The following SH3D19 variants were observed in gnomAD, a reference collection of about 807,000 sequenced individuals.
SH3D19 encodes the protein SH3 domain containing 19.
In SH3D19, 58 loss-of-function variants were observed where a neutral mutation model predicts 112.1. The observed-to-expected ratio is 0.52, with a 90% confidence interval of 0.42 to 0.64. The LOEUF (loss-of-function observed/expected upper bound fraction) is 0.64, where lower values mean the gene tolerates loss of function less well. Among genes scored for constraint, SH3D19 ranks in the 30% least tolerant of loss-of-function variants. The pLI, the probability that SH3D19 is intolerant of heterozygous loss-of-function variation, is 0.00. For synonymous variants in SH3D19, 391 were observed against 448.5 expected (o/e 0.87, Z 1.62); for missense variants, 1,090 against 1,263.4 (o/e 0.86, Z 2.08).
At chr4:151,278,035 C>T (rs1381974295) in intron 1 of SH3D19, among the ~76,000 whole-genome samples, 5 of 151,282 alleles carry the variant, frequency 3.3e-5, no homozygotes, top group East Asian at 1.9e-4. Context: ...AGTAAGACCC[C>T]GTCCCCCCAA....
intron 3 of SH3D19, among the ~76,000 whole-genome samples, chr4:151,183,411 G>A (rs755860966): frequency 6.6e-6 from 1 of 152,176 alleles, no homozygotes; most frequent in Non-Finnish European, 1.5e-5. Context: ...AATTCCAGCA[G>A]GATCACAAGC....
intron 7 of SH3D19, among the ~76,000 whole-genome samples, chr4:151,171,555 C>A (rs995824715): frequency 2.0e-5 from 3 of 152,174 alleles, no homozygotes; most frequent in African/African-American, 4.8e-5. Flanking sequence ...TTATTCCACA[C>A]CTGCTGGTGA....
intron 1 of SH3D19, among the ~76,000 whole-genome samples, chr4:151,301,574 T>A (rs1440858140): frequency 1.3e-5 from 2 of 152,122 alleles, no homozygotes; most frequent in East Asian, 3.9e-4. Context: ...GCTCTCTCTC[T>A]TCCTCTTGCT....
At chr4:151,285,550 G>A (rs950902717) in intron 1 of SH3D19, among the ~76,000 whole-genome samples, 1 of 152,152 alleles carries the variant, frequency 6.6e-6, no homozygotes, top group African/African-American at 2.4e-5. Flanking sequence ...AAATCTTATG[G>A]AAGCAGCTAA....
intron 9 of SH3D19, among the ~76,000 whole-genome samples, chr4:151,150,292 C>CATAT (rs535919889): frequency 2.8e-4 from 34 of 121,562 alleles, no homozygotes; most frequent in African/African-American, 1.0e-3. Flanking sequence ...CATATATATA[C>CATAT]ATATATATAT....
At chr4:151,293,271 C>A (rs1775477273) in intron 1 of SH3D19, among the ~76,000 whole-genome samples, 1 of 151,804 alleles carries the variant, frequency 6.6e-6, no homozygotes, top group Non-Finnish European at 1.5e-5. Flanking sequence ...GAGATCAAGA[C>A]CATCCTGGCT....
chr4:151,144,861 G>A (rs1753659186), intron 11 of SH3D19, among the ~76,000 whole-genome samples: 1 of 152,170 alleles, frequency 6.6e-6, no homozygotes. Flanking sequence ...CCTTGTCCAG[G>A]AGGCTCTGTT....
At chr4:151,199,795 A>C (rs1242725544) in intron 2 of SH3D19, among the ~76,000 whole-genome samples, 1 of 152,200 alleles carries the variant, frequency 6.6e-6, no homozygotes, top group Non-Finnish European at 1.5e-5. Context: ...CCAAACTACG[A>C]AATAGTATAA....
intron 1 of SH3D19, among the ~76,000 whole-genome samples, chr4:151,273,061 A>C (rs2149998880): frequency 6.6e-6 from 1 of 152,254 alleles, no homozygotes; most frequent in South Asian, 2.1e-4. Flanking sequence ...ATACAGGAAA[A>C]CTAGGATAAC....
rs570945081 is a variant in SH3D19, at chr4:151,176,670, T to C, written c.393A>G (p.Glu131=). Residue 131 remains glutamate, a synonymous_variant, in exon 6 of 20, where the codon GAA becomes GAG. Transcript: ENST00000604030. The stretch of plus-strand genomic sequence containing the variant: ...CTTGGTTGATTTCTTTTATAACTTG[T>C]TCATAAGATGGTGGGAGCTGAAAAG... The part of the protein sequence containing the change: ...LVPAELPPSY[E]QVIKEINQVQ... 1.6e-5 allele frequency: 20 copies of C among 1,232,098 alleles called. No homozygotes were observed. The South Asian group carries it at 7.4e-4, about 46-fold the overall frequency. The allele number at this position is 1,232,098 out of a possible 1,614,324, so 76.3% of individuals were successfully genotyped here.
At chr4:151,130,768 C>T (rs1036282426) in intron 17 of SH3D19, among the ~76,000 whole-genome samples, 2 of 152,054 alleles carry the variant, frequency 1.3e-5, no homozygotes, top group Non-Finnish European at 2.9e-5. Context: ...GGTAAAACCC[C>T]GTTTCTGCTA....
Position 151,148,051 on chromosome 4 carries a change from C to T in SH3D19, c.1953G>A (p.Met651Ile), listed in dbSNP as rs565946429. The T allele has an allele frequency of 1.2e-6, 2 of 1,613,996 alleles. No homozygotes were observed. The highest frequency in any genetic ancestry group is 8.5e-7 in the Non-Finnish European group (1 of 1,180,006). ...AGTTACTTTGTTTTTTCTGAAGATCCATGTCAGAAGAGGATCGATTAAAAG... is the reference window on the plus strand; with the variant it reads ...AGTTACTTTGTTTTTTCTGAAGATCTATGTCAGAAGAGGATCGATTAAAAG... ...KLPFNRSSSD[M>I]DLQKKQSNLA... The change falls in exon 11 of 20, where the codon ATG (methionine) becomes ATA (isoleucine). Residue 651 changes from methionine to isoleucine, a missense_variant. By Grantham distance (10) the Met-to-Ile change is conservative. Transcript: ENST00000604030.
chr4:151,140,049 T>A, intron 12 of SH3D19: 1 of 480,502 alleles, frequency 2.1e-6, no homozygotes, highest in Non-Finnish European at 3.7e-6. Flanking sequence ...TAAGGGAGGA[T>A]GAAAATCTCA....
chr4:151,195,729 A>C (rs10461255), intron 2 of SH3D19, among the ~76,000 whole-genome samples: 105,357 of 151,834 alleles, frequency 0.69, 41,642 homozygotes, highest in Non-Finnish European at 0.89. Flanking sequence ...TGTTGCACAT[A>C]AATCCTAAAT....
At chr4:151,167,245 C>T (rs1328120145) in intron 7 of SH3D19, among the ~76,000 whole-genome samples, 6 of 151,858 alleles carry the variant, frequency 4.0e-5, no homozygotes, top group Admixed American at 2.6e-4. Flanking sequence ...TAAAACAAAG[C>T]TCCTGTTTTT....
In SH3D19 at chr4:151,325,596, C is replaced by T. The variant is rs1197575276; in HGVS notation, c.-244G>A. 7.8e-6 allele frequency: 2 copies of T among 255,952 alleles called. No homozygotes were observed. Among genetic ancestry groups the T allele is most frequent in the Non-Finnish European group, 1.5e-5 (2 of 136,070 alleles). 15.9% of individuals were successfully genotyped at this position (255,952 alleles called of 1,614,324 possible). ...CCTCCTTGCGGCGTCCCGGCGGCCT[C>T]TTAATCCCTGGCCTTTCCCACTCCC... On this transcript the variant is annotated 5_prime_UTR_variant, in exon 1 of 20. Coordinates refer to ENST00000604030, the MANE Select transcript of SH3D19 (RefSeq NM_001378122.1).
chr4:151,129,728 T>C (rs891100938), intron 17 of SH3D19, among the ~76,000 whole-genome samples: 1 of 152,186 alleles, frequency 6.6e-6, no homozygotes, highest in African/African-American at 2.4e-5. Context: ...TGCCACTTCT[T>C]AACTTCGTGA....
At chr4:151,196,567 T>G (rs1763502274) in intron 2 of SH3D19, among the ~76,000 whole-genome samples, 1 of 149,620 alleles carries the variant, frequency 6.7e-6, no homozygotes, top group South Asian at 2.1e-4. Context: ...TAGTATTAGT[T>G]TTTTTTTTTT....
intron 2 of SH3D19, among the ~76,000 whole-genome samples, chr4:151,214,320 TC>T (rs1480829793): frequency 6.7e-6 from 1 of 149,518 alleles, no homozygotes; most frequent in Non-Finnish European, 1.5e-5. Context: ...TCCCCACCTT[TC>T]CCCGCTTTCT....
Sources: allele counts gnomAD v4.1 joint callset (sites outside exome capture counted in the v4.1 genomes callset), GRCh38; gene constraint gnomAD v4.1.1; transcripts MANE v1.5; gene names NCBI Gene and HGNC (gene_info 2026-07-23, HGNC 2026-07-21).